DDAH1: variants seen among roughly 807,000 people sequenced by gnomAD.
DDAH1 encodes the protein dimethylarginine dimethylaminohydrolase 1, also known as N(G),N(G)-dimethylarginine dimethylaminohydrolase 1.
In DDAH1, 19 loss-of-function variants were observed where a neutral mutation model predicts 28.8. That is an observed-to-expected ratio of 0.66 (90% CI 0.46 to 0.97). The LOEUF (loss-of-function observed/expected upper bound fraction) is 0.97. Among genes scored for constraint, DDAH1 ranks in the 50% least tolerant of loss-of-function variants. DDAH1 has a pLI of 0.00. For missense variants in DDAH1, 326 were observed against 375.9 expected, an observed-to-expected ratio of 0.87 and a Z score of 1.10; for synonymous variants, 153 against 154.4, an observed-to-expected ratio of 0.99 and a Z score of 0.07.
chr1:85,512,203 A>G (rs1484178310), intron 1 of DDAH1, among the ~76,000 whole-genome samples: 2 of 152,224 alleles, frequency 1.3e-5, no homozygotes, highest in East Asian at 3.8e-4. Context: ...ACATACGCAA[A>G]TCAATAAACA....
At position 85,507,871 on chromosome 1, in the gene DDAH1, C is replaced by A. The variant is rs149580565; in HGVS notation, c.-122-11590G>T. ...AATATCTCAAATTCAGATTCTTCTG[C>A]AGGATTCTTTGTAATTTGATTTTTC... On this transcript the variant is annotated intron_variant, in intron 1 of 6. Transcript: ENST00000426972. Among the ~76,000 whole-genome samples the A allele has an allele frequency of 4.9e-3, 750 of 152,304 alleles. 4 individuals carry two copies. The highest frequency in any genetic ancestry group is 0.017 in the African/African-American group (706 of 41,562).
At chr1:85,434,549 G>C (rs1653845166) in intron 1 of DDAH1, among the ~76,000 whole-genome samples, 2 of 151,868 alleles carry the variant, frequency 1.3e-5, no homozygotes, top group African/African-American at 4.8e-5. Flanking sequence ...GTGCCACCAT[G>C]CCCAGCTAAG....
chr1:85,356,743 G>A (rs1026272343), intron 2 of DDAH1, among the ~76,000 whole-genome samples: 2 of 152,162 alleles, frequency 1.3e-5, no homozygotes, highest in Admixed American at 6.5e-5. Flanking sequence ...TCTACAGGTA[G>A]TATCAAAGGC....
chr1:85,487,829 ATTGCAGTACACATTGGCACT>A (rs1553141044), intron 2 of DDAH1, among the ~76,000 whole-genome samples: 1 of 152,214 alleles, frequency 6.6e-6, no homozygotes, highest in East Asian at 1.9e-4. Flanking sequence ...TTTAACTCCC[ATTGCAGTACACATTGGCACT>A]TTGCAGTACA....
chr1:85,516,178 C>A (rs1203504535), intron 1 of DDAH1, among the ~76,000 whole-genome samples: 1 of 151,910 alleles, frequency 6.6e-6, no homozygotes, highest in Non-Finnish European at 1.5e-5. Flanking sequence ...GTTAGAATTT[C>A]AACATATGAA....
intron 1 of DDAH1, among the ~76,000 whole-genome samples, chr1:85,370,621 A>G (rs1266505332): frequency 6.6e-6 from 1 of 152,176 alleles, no homozygotes; most frequent in Non-Finnish European, 1.5e-5. Context: ...AATGGTGGTG[A>G]GCACAAGTGT....
intron 1 of DDAH1, among the ~76,000 whole-genome samples, chr1:85,545,555 T>C (rs1373705808): frequency 1.3e-5 from 2 of 152,268 alleles, no homozygotes; most frequent in East Asian, 3.9e-4. Context: ...CCTCTTTCAC[T>C]AGGAAAACTG....
chr1:85,559,794 C>A (rs1659089224), intron 1 of DDAH1, among the ~76,000 whole-genome samples: 2 of 96,930 alleles, frequency 2.1e-5, no homozygotes, highest in South Asian at 7.9e-4. Context: ...ATGAAGCACA[C>A]AGAAAAAGAC....
intron 4 of DDAH1, among the ~76,000 whole-genome samples, chr1:85,325,292 G>A (rs995591807): frequency 6.6e-6 from 1 of 152,154 alleles, no homozygotes; most frequent in Non-Finnish European, 1.5e-5. Flanking sequence ...CCAGTAATCA[G>A]AATAGTCAAT....
chr1:85,554,276 G>GTTTTTTTT (rs368410411), intron 1 of DDAH1, among the ~76,000 whole-genome samples: 10 of 110,704 alleles, frequency 9.0e-5, no homozygotes, highest in African/African-American at 1.4e-4. Context: ...AATTGTAAGA[G>GTTTTTTTT]TTTTTTTTTT....
In DDAH1 at chr1:85,562,592, T is replaced by G. The variant is rs148581196; in HGVS notation, c.-123+15392A>C. 4.0e-4 allele frequency among the ~76,000 whole-genome samples: 61 copies of G among 152,232 alleles called. No homozygotes were observed. The East Asian group carries it at 0.011, about 28-fold the overall frequency. On this transcript the variant is annotated intron_variant, in intron 1 of 6. Coordinates refer to the DDAH1 transcript ENST00000426972. ...GTACCCTTCCATAGAAAGAGGAAAT[T>G]TGATCACAGAGACACAGGCACATGG...
At chr1:85,453,937 G>T (rs1484906014) in intron 1 of DDAH1, among the ~76,000 whole-genome samples, 1 of 151,470 alleles carries the variant, frequency 6.6e-6, no homozygotes, top group Non-Finnish European at 1.5e-5. Context: ...CACATGCTGG[G>T]GTTAAAGTAA....
At chr1:85,551,525 T>C (rs922802260) in intron 1 of DDAH1, among the ~76,000 whole-genome samples, 2 of 152,198 alleles carry the variant, frequency 1.3e-5, no homozygotes, top group African/African-American at 4.8e-5. Context: ...ATGAGTTAAG[T>C]GAAGTTTCAA....
At chr1:85,572,706 CCTCT>C (rs1189037768) in intron 1 of DDAH1, among the ~76,000 whole-genome samples, 4 of 152,208 alleles carry the variant, frequency 2.6e-5, no homozygotes, top group Admixed American at 2.6e-4. Context: ...GCATTTTTTA[CCTCT>C]CTGATTCCTG....
intron 2 of DDAH1, among the ~76,000 whole-genome samples, chr1:85,491,479 C>T (rs933182964): frequency 6.6e-6 from 1 of 152,148 alleles, no homozygotes; most frequent in Non-Finnish European, 1.5e-5. Flanking sequence ...ATCATAGTTG[C>T]TAGGATTCAT....
rs762616076 is a variant in DDAH1, at chr1:85,464,849, G to A, written c.197C>T (p.Pro66Leu). 11 of 1,587,056 alleles carry A rather than the reference G, an allele frequency of 6.9e-6. No homozygotes were observed. Among genetic ancestry groups the A allele is most frequent in the Middle Eastern group, 1.7e-4 (1 of 5,982 alleles). The change falls in exon 1 of 6, where the codon CCG becomes CTG. Residue 66 changes from proline to leucine, a missense_variant. Coordinates refer to ENST00000284031, the MANE Select transcript of DDAH1 (RefSeq NM_012137.4). The surrounding 1 kb of genome is among the most constrained non-coding windows in gnomAD (Gnocchi z 4.4). ...SKLGLQVVEL[P>L]ADESLPDCVF... ...GCAGTCCGGAAGGCTCTCGTCGGCC[G>A]GCAGCTCCACCACCTGCAGCCCCAG...
chr1:85,360,801 C>T (rs192575183), intron 1 of DDAH1, among the ~76,000 whole-genome samples: 133 of 152,202 alleles, frequency 8.7e-4, no homozygotes, highest in African/African-American at 3.0e-3. Context: ...TGTCCTATGT[C>T]TTTGAAAATT....
rs1657109906 is a variant in DDAH1 at position 85,508,607 on chromosome 1, A to G, written c.-122-12326T>C. Among the ~76,000 whole-genome samples, 3 of 152,238 alleles carry G rather than the reference A, an allele frequency of 2.0e-5. No homozygotes were observed. The South Asian group carries it at 6.2e-4, about 31-fold the overall frequency. ...TAGACTGTACCTGGAAAAACAGGACACTTCTGCCCAAATACTGGGCTTTTC... is the reference window on the plus strand; with the variant it reads ...TAGACTGTACCTGGAAAAACAGGACGCTTCTGCCCAAATACTGGGCTTTTC... On this transcript the variant is annotated intron_variant, in intron 1 of 6. Coordinates refer to the DDAH1 transcript ENST00000426972.
At chr1:85,551,796 T>A (rs951652609) in intron 1 of DDAH1, among the ~76,000 whole-genome samples, 3 of 152,196 alleles carry the variant, frequency 2.0e-5, no homozygotes, top group African/African-American at 7.2e-5. Context: ...TGTTAACTGA[T>A]GGCTAAGAAG....
Sources: allele counts gnomAD v4.1 joint callset (sites outside exome capture counted in the v4.1 genomes callset), GRCh38; gene constraint gnomAD v4.1.1; non-coding constraint Gnocchi (gnomAD v3.1); transcripts MANE v1.5; gene names NCBI Gene and HGNC (gene_info 2026-07-23, HGNC 2026-07-21).